PTPN4: variants seen among roughly 807,000 people sequenced by gnomAD.
PTPN4 encodes protein tyrosine phosphatase non-receptor type 4.
In PTPN4, 49 loss-of-function variants were observed where a neutral mutation model predicts 135.5. That is an observed-to-expected ratio of 0.36 (90% CI 0.29 to 0.46). The LOEUF (loss-of-function observed/expected upper bound fraction) is 0.46, where lower values mean the gene tolerates loss of function less well. Ranked by LOEUF, PTPN4 falls within the 20% of genes least tolerant of loss-of-function variation. The pLI, the probability that PTPN4 is intolerant of heterozygous loss-of-function variation, is 1.00. For missense variants in PTPN4, 860 were observed against 1,101.0 expected, an observed-to-expected ratio of 0.78 and a Z score of 3.10; for synonymous variants, 333 against 369.9, an observed-to-expected ratio of 0.90 and a Z score of 1.14.
chr2:119,928,365 A>G (rs550096514), intron 13 of PTPN4, among the ~76,000 whole-genome samples: 1 of 152,310 alleles, frequency 6.6e-6, no homozygotes, highest in South Asian at 2.1e-4. Flanking sequence ...GCTTACATTT[A>G]GTAGTCTACT....
At chr2:119,846,321 G>A (rs1057185625) in intron 2 of PTPN4, among the ~76,000 whole-genome samples, 28 of 152,098 alleles carry the variant, frequency 1.8e-4, no homozygotes, top group Non-Finnish European at 3.1e-4. Context: ...TGAATTGTCT[G>A]TTTTATAGGT....
intron 26 of PTPN4, among the ~76,000 whole-genome samples, chr2:119,973,684 G>GTTTTTTTTTTTTTTTTTTTT (rs1574428169): frequency 8.8e-5 from 1 of 11,304 alleles, no homozygotes. Context: ...TTTTTTTTTG[G>GTTTTTTTTTTTTTTTTTTTT]TAATTTACTT....
chr2:119,963,319 A>G (rs1408230136), intron 24 of PTPN4, among the ~76,000 whole-genome samples: 1 of 152,206 alleles, frequency 6.6e-6, no homozygotes, highest in Non-Finnish European at 1.5e-5. Context: ...ATGATGGCTC[A>G]GTATCCCAAT....
chr2:119,771,004 C>T (rs1001158489), intron 1 of PTPN4, among the ~76,000 whole-genome samples: 3 of 152,114 alleles, frequency 2.0e-5, no homozygotes, highest in African/African-American at 7.2e-5. Flanking sequence ...CTCAGCCTCC[C>T]GAGTGGCTGG....
Position 119,958,328 on chromosome 2 carries a change from T to TAA in PTPN4, c.2133+1264_2133+1265dup, listed in dbSNP as rs35243850. Among the ~76,000 whole-genome samples the TAA allele has an allele frequency of 7.9e-4, 106 of 134,808 alleles. 2 individuals are homozygous for TAA. Among genetic ancestry groups the TAA allele is most frequent in the East Asian group, 3.6e-3 (17 of 4,696 alleles). The allele number at this position is 134,808 out of a possible 152,430, so 88.4% of individuals were successfully genotyped here. Reference sequence around the variant, plus strand: ...ACTGGGTGACAGAACAAGACCCGTCTAAAAAAAAAAAAAAGAACAATGAAA... The same window carrying TAA: ...ACTGGGTGACAGAACAAGACCCGTCTAAAAAAAAAAAAAAAAGAACAATGAAA... On this transcript the variant is annotated intron_variant, in intron 22 of 26. Coordinates refer to ENST00000263708, the MANE Select transcript of PTPN4 (RefSeq NM_002830.4).
chr2:119,787,268 A>C (rs1691063465), intron 1 of PTPN4, among the ~76,000 whole-genome samples: 1 of 152,230 alleles, frequency 6.6e-6, no homozygotes, highest in Admixed American at 6.5e-5. Flanking sequence ...ACATTGAGGG[A>C]AACAGAGGCC....
At chr2:119,974,494 C>T (rs1323496315) in intron 26 of PTPN4, among the ~76,000 whole-genome samples, 1 of 152,176 alleles carries the variant, frequency 6.6e-6, no homozygotes, top group African/African-American at 2.4e-5. Context: ...CAGGAGTGAT[C>T]CACCGTGCCT....
At position 119,983,755 on chromosome 2, in the gene PTPN4, CT is replaced by C. The variant is rs746056969; in HGVS notation, c.*6688del. ...TTAAGAGCAACTTGTGTGATCTTAG[CT>C]TTGCAGGTTTTCTGTAATTTATGTA... On this transcript the variant is annotated 3_prime_UTR_variant, in exon 27 of 27. Coordinates refer to ENST00000263708, the MANE Select transcript of PTPN4 (RefSeq NM_002830.4). The C allele has an allele frequency of 2.0e-5, 3 of 152,150 alleles. No homozygotes were observed. Among genetic ancestry groups the C allele is most frequent in the Non-Finnish European group, 4.4e-5 (3 of 68,030 alleles). 9.4% of individuals were successfully genotyped at this position (152,150 alleles called of 1,614,324 possible). A position where few individuals can be genotyped will look rare whatever the true frequency, so the allele number is the denominator to read the frequency against.
chr2:119,799,521 T>G (rs906096916), intron 1 of PTPN4, among the ~76,000 whole-genome samples: 2 of 152,214 alleles, frequency 1.3e-5, no homozygotes, highest in African/African-American at 4.8e-5. Flanking sequence ...TATTATACTT[T>G]AGGTTGGGAG....
intron 10 of PTPN4, among the ~76,000 whole-genome samples, chr2:119,901,593 G>T (rs183949038): frequency 1.6e-4 from 24 of 152,274 alleles, no homozygotes; most frequent in Admixed American, 1.3e-3. Flanking sequence ...TACAAGACGT[G>T]TCGAAAGGCA....
chr2:119,887,315 C>T (rs952055730), intron 9 of PTPN4, among the ~76,000 whole-genome samples: 6 of 152,062 alleles, frequency 3.9e-5, no homozygotes, highest in Admixed American at 6.6e-5. Flanking sequence ...ATAATGAGAT[C>T]ACATCTCTAC....
At chr2:119,855,100 T>A (rs1265386486) in intron 2 of PTPN4, among the ~76,000 whole-genome samples, 1 of 152,164 alleles carries the variant, frequency 6.6e-6, no homozygotes, top group East Asian at 1.9e-4. Context: ...GGGGTGCCCA[T>A]AAACCAGAAT....
chr2:119,877,736 G>A (rs988084156), intron 5 of PTPN4, among the ~76,000 whole-genome samples, 194 bp downstream of exon 5: 35 of 152,128 alleles, frequency 2.3e-4, no homozygotes, highest in African/African-American at 7.5e-4. Flanking sequence ...AGGGGATTTA[G>A]AACCTCAGGG....
At position 119,919,102 on chromosome 2, in the gene PTPN4, T is replaced by C. The variant is rs561914532; in HGVS notation, c.829-967T>C. ...AGAAAGGGGAGACAAAGGATACTTC[T>C]GTGGTGGTAGTAATGATCCATTTCT... On this transcript the variant is annotated intron_variant, in intron 11 of 26. Transcript: ENST00000263708. Among the ~76,000 whole-genome samples the C allele has an allele frequency of 8.5e-5, 13 of 152,322 alleles. No homozygotes were observed. The South Asian group carries it at 2.3e-3, about 27-fold the overall frequency.
chr2:119,797,850 C>T (rs6729071), intron 1 of PTPN4, among the ~76,000 whole-genome samples: 3,844 of 152,160 alleles, frequency 0.025, 164 homozygotes, highest in African/African-American at 0.087. Flanking sequence ...TTTAATTCCC[C>T]AGTCATGGTG....
chr2:119,876,121 G>A (rs1677979521), intron 3 of PTPN4, among the ~76,000 whole-genome samples: 1 of 152,196 alleles, frequency 6.6e-6, no homozygotes, highest in Non-Finnish European at 1.5e-5. Context: ...ATTATGGCTG[G>A]AATTTAGTAA....
intron 3 of PTPN4, among the ~76,000 whole-genome samples, chr2:119,865,605 T>G (rs2104989972): frequency 6.6e-6 from 1 of 152,114 alleles, no homozygotes; most frequent in East Asian, 1.9e-4. Context: ...ATGAACATAT[T>G]AAGGAGAGGA....
chr2:119,894,966 G>C (rs910299951), intron 9 of PTPN4, among the ~76,000 whole-genome samples: 2 of 149,918 alleles, frequency 1.3e-5, no homozygotes, highest in African/African-American at 4.9e-5. Flanking sequence ...GAAATCTTTT[G>C]GGGGGCAAAT....
chr2:119,812,818 T>C (rs1676914307), intron 2 of PTPN4, among the ~76,000 whole-genome samples: 1 of 152,232 alleles, frequency 6.6e-6, no homozygotes, highest in South Asian at 2.1e-4. Context: ...AAATGCATAG[T>C]GTCCGTACTA....
Sources: gnomAD v4.1 joint callset for allele counts (sites outside exome capture counted in the v4.1 genomes callset) on GRCh38, gnomAD v4.1.1 for gene constraint, MANE v1.5 for transcripts, NCBI Gene and HGNC (gene_info 2026-07-23, HGNC 2026-07-21) for gene names.